The following CNTNAP2 variants were observed in gnomAD, a reference collection of about 807,000 sequenced individuals.
The protein encoded by CNTNAP2 is contactin associated protein 2.
In CNTNAP2, 98 loss-of-function variants were observed where a neutral mutation model predicts 155.2. That is an observed-to-expected ratio of 0.63 (90% CI 0.54 to 0.75). The LOEUF (loss-of-function observed/expected upper bound fraction) is 0.75, where lower values mean the gene tolerates loss of function less well. CNTNAP2 is among the 30% of genes least tolerant of loss of function. CNTNAP2 has a pLI of 0.00. For missense variants in CNTNAP2, 1,727 were observed against 1,688.1 expected (o/e 1.02, Z -0.40); for synonymous variants, 651 against 631.2 (o/e 1.03, Z -0.47).
At chr7:147,153,260 C>T (rs375167352) in intron 8 of CNTNAP2, among the ~76,000 whole-genome samples, 34 of 152,088 alleles carry the variant, frequency 2.2e-4, no homozygotes, top group African/African-American at 6.5e-4. Flanking sequence ...AAAAAGCTTT[C>T]TGAACTATAG....
chr7:146,922,264 A>G (rs1045613522), intron 3 of CNTNAP2, among the ~76,000 whole-genome samples: 1 of 408 alleles, frequency 2.5e-3, no homozygotes, highest in Admixed American at 0.033. Flanking sequence ...TAATAAAGGA[A>G]AAAAAAAAAA....
intron 1 of CNTNAP2, among the ~76,000 whole-genome samples, chr7:146,695,320 G>A (rs191826663): frequency 1.6e-3 from 239 of 152,176 alleles, no homozygotes; most frequent in African/African-American, 5.6e-3. Flanking sequence ...TTTGTCAAAT[G>A]CCTTTTCAGC....
Position 146,293,725 on chromosome 7 carries a change from C to T in CNTNAP2, c.97+176752C>T, listed in dbSNP as rs138299431. On this transcript the variant is annotated intron_variant, in intron 1 of 23. Coordinates refer to ENST00000361727, the MANE Select transcript of CNTNAP2 (RefSeq NM_014141.6). Reference sequence around the variant, plus strand: ...TTTCATGTTTGATTTGCTTAATGCTCATTGGGTTTCTTTTTAATTCCTCTA... The same window carrying T: ...TTTCATGTTTGATTTGCTTAATGCTTATTGGGTTTCTTTTTAATTCCTCTA... Among the ~76,000 whole-genome samples the T allele has an allele frequency of 1.4e-3, 213 of 152,110 alleles. 1 individual carries two copies. Among genetic ancestry groups the T allele is most frequent in the African/African-American group, 4.8e-3 (198 of 41,496 alleles).
chr7:148,163,292 A>G lies in CNTNAP2; in HGVS notation c.2774-8950A>G, dbSNP rs140837933. ...TATTCTCAGTTCACTCGTCTGTAAA[A>G]TGGAGATAATAATATCTAGCTCTGA... On this transcript the variant is annotated intron_variant, in intron 17 of 23. Coordinates refer to ENST00000361727, the MANE Select transcript of CNTNAP2 (RefSeq NM_014141.6). 1.8e-3 allele frequency among the ~76,000 whole-genome samples: 269 copies of G among 152,302 alleles called. 1 individual carries two copies. Among genetic ancestry groups the G allele is most frequent in the African/African-American group, 5.7e-3 (237 of 41,558 alleles).
chr7:147,646,850 G>A (rs910195413), intron 13 of CNTNAP2, among the ~76,000 whole-genome samples: 37 of 152,084 alleles, frequency 2.4e-4, no homozygotes, highest in Non-Finnish European at 1.9e-4. Context: ...AAGATCACGT[G>A]GACTTATTGA....
intron 3 of CNTNAP2, among the ~76,000 whole-genome samples, chr7:146,882,979 A>G (rs1308235485): frequency 6.6e-6 from 1 of 152,204 alleles, no homozygotes; most frequent in African/African-American, 2.4e-5. Flanking sequence ...TATTGTTAAA[A>G]TGACCACACT....
intron 21 of CNTNAP2, among the ~76,000 whole-genome samples, chr7:148,383,339 A>G (rs899602100): frequency 2.0e-5 from 3 of 152,270 alleles, no homozygotes; most frequent in Non-Finnish European, 4.4e-5. Context: ...AAGGAGAAAA[A>G]TCAATCAGAA....
intron 9 of CNTNAP2, among the ~76,000 whole-genome samples, chr7:147,303,638 G>C (rs1794980522): frequency 6.6e-6 from 1 of 152,178 alleles, no homozygotes. Flanking sequence ...ACCTGATTTT[G>C]AATATGGCTT....
At chr7:147,486,069 C>G in intron 11 of CNTNAP2, 28 bp downstream of exon 11, 1 of 1,571,096 alleles carries the variant, frequency 6.4e-7, no homozygotes, top group Non-Finnish European at 8.8e-7. Context: ...TCACTTTAAT[C>G]TTGTAATTGC....
intron 18 of CNTNAP2, among the ~76,000 whole-genome samples, chr7:148,180,340 T>C (rs1408222322): frequency 6.6e-6 from 1 of 152,124 alleles, no homozygotes; most frequent in Non-Finnish European, 1.5e-5. Flanking sequence ...ATTATTCAAG[T>C]AGAGAAAATA....
chr7:146,827,498 T>C (rs1803429353), intron 2 of CNTNAP2, among the ~76,000 whole-genome samples: 1 of 150,266 alleles, frequency 6.7e-6, no homozygotes. Context: ...AGAATGTTTT[T>C]ACTTTTTTTT....
At chr7:147,937,545 T>C (rs1800633404) in intron 14 of CNTNAP2, among the ~76,000 whole-genome samples, 1 of 152,118 alleles carries the variant, frequency 6.6e-6, no homozygotes, top group Non-Finnish European at 1.5e-5. Context: ...TAGTTCTGTC[T>C]CTTGGTGCCC....
chr7:147,930,068 T>C (rs983096163), intron 14 of CNTNAP2, among the ~76,000 whole-genome samples: 1 of 151,866 alleles, frequency 6.6e-6, no homozygotes. Flanking sequence ...GGCCACAGAC[T>C]GGTACCGGTC....
chr7:147,393,622 T>G (rs1046643183), intron 9 of CNTNAP2, among the ~76,000 whole-genome samples: 1 of 152,078 alleles, frequency 6.6e-6, no homozygotes, highest in Admixed American at 6.6e-5. Flanking sequence ...GAAAATCATG[T>G]GTGCACGCAA....
intron 15 of CNTNAP2, among the ~76,000 whole-genome samples, chr7:147,987,992 G>T (rs1801648036): frequency 6.6e-6 from 1 of 152,156 alleles, no homozygotes; most frequent in Admixed American, 6.5e-5. Context: ...ACCACGCCTG[G>T]CAGGTTTTAT....
At chr7:147,811,268 G>T (rs1435002043) in intron 13 of CNTNAP2, among the ~76,000 whole-genome samples, 1 of 152,052 alleles carries the variant, frequency 6.6e-6, no homozygotes, top group Non-Finnish European at 1.5e-5. Flanking sequence ...CTGATTTTTT[G>T]TATTTTTAGT....
At chr7:146,297,539 A>G (rs2129087727) in intron 1 of CNTNAP2, among the ~76,000 whole-genome samples, 1 of 152,260 alleles carries the variant, frequency 6.6e-6, no homozygotes, top group East Asian at 1.9e-4. Context: ...AAAGGCATGT[A>G]AAGCATACAA....
intron 11 of CNTNAP2, among the ~76,000 whole-genome samples, chr7:147,531,571 A>G (rs1799431521): frequency 6.6e-6 from 1 of 152,192 alleles, no homozygotes; most frequent in Non-Finnish European, 1.5e-5. Context: ...AGGCTGGTAC[A>G]CAGGACACCA....
chr7:146,511,099 C>T (rs1477296752), intron 1 of CNTNAP2, among the ~76,000 whole-genome samples: 3 of 152,050 alleles, frequency 2.0e-5, no homozygotes, highest in Non-Finnish European at 4.4e-5. Context: ...AGGGTTTCAC[C>T]ATGTTAGCCA....
Sources: allele counts gnomAD v4.1 joint callset (sites outside exome capture counted in the v4.1 genomes callset), GRCh38; gene constraint gnomAD v4.1.1; transcripts MANE v1.5; gene names NCBI Gene and HGNC (gene_info 2026-07-23, HGNC 2026-07-21).